The following RAPGEF1 variants were observed in gnomAD, a reference collection of about 807,000 sequenced individuals.
RAPGEF1 encodes Rap guanine nucleotide exchange factor 1.
A neutral mutation model predicts 143.3 loss-of-function variants in RAPGEF1; 33 were observed. The observed-to-expected ratio is 0.23, with a 90% CI of 0.17 to 0.31. The LOEUF (loss-of-function observed/expected upper bound fraction) is 0.31, where lower values mean the gene tolerates loss of function less well. RAPGEF1 is among the 10% of genes least tolerant of loss of function. The pLI is 1.00. For missense variants in RAPGEF1, 1,199 were observed against 1,645.4 expected, an observed-to-expected ratio of 0.73 and a Z score of 4.69; for synonymous variants, 629 against 676.5, an observed-to-expected ratio of 0.93 and a Z score of 1.09.
rs371127798 is a variant in RAPGEF1 at position 131,584,460 on chromosome 9, C to T, written c.3313-48G>A. 69 of 1,613,010 alleles carry T rather than the reference C, an allele frequency of 4.3e-5. No homozygotes were observed. The highest frequency in any genetic ancestry group is 4.0e-4 in the African/African-American group (30 of 74,912). On this transcript the variant is annotated intron_variant, in intron 23 of 26. Transcript: ENST00000683357. This position sits in a 1 kb window ranked among gnomAD's most constrained non-coding sequence, Gnocchi z 6.8. ...GTGAGGCAGGAGGGCAGGCGGGTCC[C>T]GGGCTCCCAGAGCAGGGACTGATGA...
intron 12 of RAPGEF1, 132 bp downstream of exon 12, chr9:131,618,908 TCATAGCCTTCC>T: frequency 1.5e-6 from 1 of 659,186 alleles, no homozygotes; most frequent in Non-Finnish European, 2.3e-6. Context: ...AACCAACCAT[TCATAGCCTTCC>T]CATCTAGGTG....
At position 131,626,248 on chromosome 9, in the gene RAPGEF1, C is replaced by T; in HGVS notation, c.1376G>A (p.Gly459Glu). The change falls in exon 10 of 27, where the codon GGA becomes GAA. Residue 459 changes from glycine to glutamate, a missense_variant. This residue lies in a region of RAPGEF1 where 613 missense variants were observed against 710.9 expected (regional missense o/e 0.86). Transcript: ENST00000683357. ...LPLGGHPQPD[G>E]PLAPGQQTDT... The stretch of plus-strand genomic sequence containing the variant: ...TGTCTGCTGCCCTGGGGCCAGAGGT[C>T]CGTCTGGCTGGGGATGGCCGCCAAG... 1 of 1,613,890 alleles carries T rather than the reference C, an allele frequency of 6.2e-7. No homozygotes were observed. The highest frequency in any genetic ancestry group is 8.5e-7 in the Non-Finnish European group (1 of 1,179,844).
chr9:131,709,526 T>C, intron 1 of RAPGEF1: 1 of 1,158,730 alleles, frequency 8.6e-7, no homozygotes, highest in African/African-American at 1.5e-5. Context: ...TGGAAGGTGA[T>C]TCCCCAGGCA....
chr9:131,711,506 G>A (rs1057497148), intron 1 of RAPGEF1, among the ~76,000 whole-genome samples: 2 of 151,898 alleles, frequency 1.3e-5, no homozygotes, highest in East Asian at 1.9e-4. Context: ...ACAGGTGTGC[G>A]CCACCACACC....
chr9:131,664,697 C>A (rs1244633682), intron 1 of RAPGEF1, among the ~76,000 whole-genome samples: 1 of 152,154 alleles, frequency 6.6e-6, no homozygotes, highest in East Asian at 1.9e-4. Context: ...CTTAGCAATT[C>A]TTTTAGTCCT....
intron 1 of RAPGEF1, among the ~76,000 whole-genome samples, chr9:131,719,533 G>A (rs1220200496): frequency 1.4e-5 from 2 of 142,600 alleles, no homozygotes; most frequent in Non-Finnish European, 3.0e-5. Context: ...AGCTGGACAA[G>A]TCACATAAAC....
At chr9:131,686,368 A>G (rs1167456546) in intron 1 of RAPGEF1, among the ~76,000 whole-genome samples, 1 of 152,188 alleles carries the variant, frequency 6.6e-6, no homozygotes, top group Non-Finnish European at 1.5e-5. Flanking sequence ...TGCTGAAGAC[A>G]ACTGGCTCTG....
intron 1 of RAPGEF1, among the ~76,000 whole-genome samples, chr9:131,692,743 T>C (rs764446778): frequency 7.9e-5 from 12 of 152,204 alleles, no homozygotes; most frequent in Non-Finnish European, 1.5e-4. Context: ...ATTGCCGGAA[T>C]TGCACAATCA....
chr9:131,738,326 A>G (rs1432191916), intron 1 of RAPGEF1, among the ~76,000 whole-genome samples: 1 of 152,170 alleles, frequency 6.6e-6, no homozygotes, highest in Non-Finnish European at 1.5e-5. Flanking sequence ...AAGTTTCCCA[A>G]CAGTACCGTT....
chr9:131,586,767 CACACACCTGCAGAGCGAGACTCCGTCAA>C (rs1247259732), intron 22 of RAPGEF1, among the ~76,000 whole-genome samples: 49 of 122,066 alleles, frequency 4.0e-4, no homozygotes, highest in Admixed American at 1.2e-3. Context: ...CCGTCTCACA[CACACACCTGCAGAGCGAGACTCCGTCAA>C]ACACACACAC....
chr9:131,709,889 G>A, intron 1 of RAPGEF1: 1 of 985,400 alleles, frequency 1.0e-6, no homozygotes, highest in Non-Finnish European at 1.2e-6. Flanking sequence ...TTTGGCCCCA[G>A]GGAGGAAATC....
chr9:131,650,823 T>C lies in RAPGEF1; in HGVS notation c.188A>G (p.Lys63Arg), dbSNP rs368190968. 10 of 1,613,862 alleles carry C rather than the reference T, an allele frequency of 6.2e-6. No homozygotes were observed. The African/African-American group carries it at 8.0e-5, about 13-fold the overall frequency. ...GAGTCAGCTTACTTTGTTCACAGGC[T>C]TCTCTGGAATCTTTACGGACACCTC... ...PAEVSVKIPE[K>R]PVNKEATDRF... Residue 63 changes from lysine to arginine, a missense_variant, in exon 2 of 27, where the codon AAG becomes AGG. By Grantham distance (26) the Lys-to-Arg change is conservative. Coordinates refer to ENST00000683357, the MANE Select transcript of RAPGEF1 (RefSeq NM_001377935.1). This position sits in a 1 kb window ranked among gnomAD's most constrained non-coding sequence, Gnocchi z 4.7.
chr9:131,601,126 C>T (rs1013595590), intron 15 of RAPGEF1, among the ~76,000 whole-genome samples: 2 of 140,806 alleles, frequency 1.4e-5, no homozygotes, highest in Non-Finnish European at 1.5e-5. Flanking sequence ...GAGCCGAGAT[C>T]GCGCCACTGC....
intron 1 of RAPGEF1, among the ~76,000 whole-genome samples, chr9:131,704,224 TATTA>T (rs545110179): frequency 1.5e-3 from 223 of 151,044 alleles, no homozygotes; most frequent in African/African-American, 5.0e-3. Flanking sequence ...TCTGGATCAA[TATTA>T]ATTAGCTGGC....
intron 16 of RAPGEF1, 62 bp from the exon 17 acceptor site, chr9:131,596,435 G>C (rs1293210305): frequency 1.3e-6 from 2 of 1,519,660 alleles, no homozygotes; most frequent in African/African-American, 1.4e-5. Flanking sequence ...AATCAGTTTA[G>C]GAAGAAACAG....
intron 12 of RAPGEF1, among the ~76,000 whole-genome samples, chr9:131,617,458 G>A (rs1009412187): frequency 9.9e-5 from 15 of 152,226 alleles, no homozygotes; most frequent in African/African-American, 3.6e-4. Flanking sequence ...ACTGGGCATT[G>A]GACTGCCCAC....
At chr9:131,715,077 G>A (rs1299574994) in intron 1 of RAPGEF1, among the ~76,000 whole-genome samples, 2 of 151,962 alleles carry the variant, frequency 1.3e-5, no homozygotes, top group East Asian at 1.9e-4. Context: ...AGGCCACCAC[G>A]TGTCGAATGT....
chr9:131,666,791 G>C (rs1830507233), intron 1 of RAPGEF1, among the ~76,000 whole-genome samples: 1 of 152,154 alleles, frequency 6.6e-6, no homozygotes, highest in Non-Finnish European at 1.5e-5. Flanking sequence ...ATATTAATCT[G>C]CTGTGGATTT....
In RAPGEF1 at chr9:131,580,263, G is replaced by A. The variant is rs764842655; in HGVS notation, c.3641C>T (p.Ala1214Val). ...ILDSMRCFQQ[A>V]HYDMRRNDDI... ...GTCCCCCCGGGGCAGTGGCACTCACGCCTGCTGGAAGCAGCGCATGCTGTC... is the reference window on the plus strand; with the variant it reads ...GTCCCCCCGGGGCAGTGGCACTCACACCTGCTGGAAGCAGCGCATGCTGTC... The change falls in exon 26 of 27, where the codon GCG (alanine) becomes GTG (valine). Residue 1214 changes from alanine (A) to valine (V), a missense_variant and splice_region_variant. Ala to Val is a moderately conservative substitution (Grantham distance 64). This residue lies in a region of RAPGEF1 where 67 missense variants were observed against 105.4 expected (regional missense o/e 0.64). Coordinates refer to ENST00000683357, the MANE Select transcript of RAPGEF1 (RefSeq NM_001377935.1). 3 of 1,613,836 alleles carry A rather than the reference G, an allele frequency of 1.9e-6. No homozygotes were observed. Among genetic ancestry groups the A allele is most frequent in the Admixed American group, 1.7e-5 (1 of 60,026 alleles).
Sources: allele counts gnomAD v4.1 joint callset (sites outside exome capture counted in the v4.1 genomes callset), GRCh38; gene constraint gnomAD v4.1.1; regional missense constraint gnomAD v4.1.1; non-coding constraint Gnocchi (gnomAD v3.1); transcripts MANE v1.5; gene names NCBI Gene and HGNC (gene_info 2026-07-23, HGNC 2026-07-21).